INTS7: variants seen among roughly 807,000 people sequenced by gnomAD.
The protein encoded by INTS7 is chromosome 1 open reading frame 73.
Under a neutral mutation model 109.2 loss-of-function variants are expected in INTS7, and 46 were observed. The ratio of observed to expected loss-of-function variants is 0.42; its 90% CI spans 0.33 to 0.54. The LOEUF (loss-of-function observed/expected upper bound fraction) is 0.54, where lower values mean the gene tolerates loss of function less well. Ranked by LOEUF, INTS7 falls within the 20% of genes least tolerant of loss-of-function variation. INTS7 has a pLI of 0.07. For synonymous variants in INTS7, 412 were observed against 402.9 expected, an observed-to-expected ratio of 1.02 and a Z score of -0.27; for missense variants, 929 against 1,132.4, an observed-to-expected ratio of 0.82 and a Z score of 2.58.
At chr1:211,982,447 A>G (rs866132610) in intron 9 of INTS7, among the ~76,000 whole-genome samples, 2 of 152,168 alleles carry the variant, frequency 1.3e-5, no homozygotes, top group South Asian at 4.1e-4. Flanking sequence ...GAAATGGGCA[A>G]TGCTCCATAA....
At chr1:212,030,032 A>G (rs1272333383) in intron 1 of INTS7, among the ~76,000 whole-genome samples, 1 of 152,258 alleles carries the variant, frequency 6.6e-6, no homozygotes, top group Non-Finnish European at 1.5e-5. Context: ...TCCAGTATGC[A>G]CATGAGAATA....
intron 7 of INTS7, among the ~76,000 whole-genome samples, chr1:211,997,527 A>AG (rs1416070860): frequency 1.7e-5 from 2 of 115,700 alleles, no homozygotes; most frequent in Non-Finnish European, 3.9e-5. Flanking sequence ...ATCTCCAAAC[A>AG]GAAAAAAAAA....
intron 4 of INTS7, among the ~76,000 whole-genome samples, chr1:212,013,663 C>T (rs1415428734): frequency 6.6e-6 from 1 of 152,196 alleles, no homozygotes; most frequent in Non-Finnish European, 1.5e-5. Flanking sequence ...ATGGTAAGTG[C>T]CCTATACAGG....
intron 4 of INTS7, 127 bp downstream of exon 4, chr1:212,016,759 G>T: frequency 5.5e-6 from 4 of 725,388 alleles, no homozygotes; most frequent in Middle Eastern, 3.8e-4. Context: ...AACCTTCTTG[G>T]AAAACACACC....
At chr1:211,976,284 G>A (rs942978356) in intron 12 of INTS7, among the ~76,000 whole-genome samples, 2 of 152,184 alleles carry the variant, frequency 1.3e-5, no homozygotes, top group Non-Finnish European at 2.9e-5. Context: ...TAGAAACAGC[G>A]GGTGGTAGGT....
chr1:211,956,380 C>G (rs1663363614), intron 16 of INTS7, among the ~76,000 whole-genome samples: 1 of 151,966 alleles, frequency 6.6e-6, no homozygotes, highest in South Asian at 2.1e-4. Flanking sequence ...TAATGTTAAC[C>G]CAACCTTGTA....
At chr1:211,988,041 C>T (rs952165782) in intron 7 of INTS7, 38 bp from the exon 8 acceptor site, 6 of 989,364 alleles carry the variant, frequency 6.1e-6, no homozygotes, top group Admixed American at 2.0e-5. Flanking sequence ...GAAGTTAAAA[C>T]ATCAATATAC....
intron 7 of INTS7, among the ~76,000 whole-genome samples, chr1:212,001,064 C>CTTT (rs71137715): frequency 4.1e-5 from 5 of 122,832 alleles, no homozygotes; most frequent in South Asian, 2.7e-4. Flanking sequence ...GGCAGAATTC[C>CTTT]TTTTTTTTTT....
At chr1:211,963,311 G>A (rs1042875185) in intron 16 of INTS7, among the ~76,000 whole-genome samples, 3 of 151,932 alleles carry the variant, frequency 2.0e-5, no homozygotes, top group Non-Finnish European at 4.4e-5. Flanking sequence ...TCCCTGATGA[G>A]ACAAATAATG....
At chr1:211,960,844 C>T (rs1663591997) in intron 16 of INTS7, among the ~76,000 whole-genome samples, 1 of 151,962 alleles carries the variant, frequency 6.6e-6, no homozygotes, top group African/African-American at 2.4e-5. Context: ...GAAATCCCGT[C>T]TTTACTAAAA....
chr1:211,968,368 ATTTTT>A, intron 14 of INTS7, 140 bp downstream of exon 14: 1 of 659,388 alleles, frequency 1.5e-6, no homozygotes, highest in Non-Finnish European at 2.5e-6. Context: ...ACATCAGCCT[ATTTTT>A]TAGCCAGACA....
rs1334828828 is a variant in INTS7 at position 212,022,777 on chromosome 1, A to G, written c.95-1565T>C. Among the ~76,000 whole-genome samples the G allele has an allele frequency of 2.0e-5, 3 of 152,274 alleles. No homozygotes were observed. In the East Asian group the frequency reaches 5.8e-4, roughly 29 times the overall value. ...TTCTTTTATTTTAGATTCAGGGGGT[A>G]CATGTGCAAGTTTGCTAATGGGTAT... On this transcript the variant is annotated intron_variant, in intron 1 of 19. Transcript: ENST00000366994.
chr1:211,964,230 C>T (rs1162232689), intron 16 of INTS7, among the ~76,000 whole-genome samples: 4 of 152,124 alleles, frequency 2.6e-5, no homozygotes, highest in Non-Finnish European at 5.9e-5. Flanking sequence ...GAATGCATTC[C>T]CATTCATGAC....
At chr1:211,944,652 T>C in intron 19 of INTS7, 132 bp downstream of exon 19, 1 of 720,534 alleles carries the variant, frequency 1.4e-6, no homozygotes. Flanking sequence ...CAATGTGGGC[T>C]TTTAATTTAT....
intron 10 of INTS7, among the ~76,000 whole-genome samples, chr1:211,978,834 T>C (rs1664532100): frequency 6.6e-6 from 1 of 152,222 alleles, no homozygotes; most frequent in African/African-American, 2.4e-5. Flanking sequence ...CACTGTATTA[T>C]CATTACTTTT....
intron 15 of INTS7, among the ~76,000 whole-genome samples, chr1:211,967,486 C>G (rs1663946319): frequency 6.8e-6 from 1 of 147,146 alleles, no homozygotes; most frequent in Admixed American, 6.8e-5. Context: ...ACAACTAATG[C>G]TACTGAAGAG....
intron 8 of INTS7, among the ~76,000 whole-genome samples, chr1:211,986,252 T>C (rs146659025): frequency 2.0e-5 from 3 of 152,026 alleles, no homozygotes; most frequent in African/African-American, 7.2e-5. Context: ...TCTTAGACCA[T>C]CCAATCCTGG....
rs1035545205 is a variant in INTS7 at position 211,956,464 on chromosome 1, A to T, written c.2184-3763T>A. ...TTGTTGGACTGAACTTTTTAAAAAA[A>T]TTTTTGTCTATGCTAATGAAGAATA... On this transcript the variant is annotated intron_variant, in intron 16 of 19. Transcript: ENST00000366994. Among the ~76,000 whole-genome samples, 12 of 152,224 alleles carry T rather than the reference A, an allele frequency of 7.9e-5. No homozygotes were observed. The East Asian group carries it at 9.6e-4, about 12-fold the overall frequency.
At chr1:211,949,246 C>G (rs1461372356) in intron 17 of INTS7, among the ~76,000 whole-genome samples, 2 of 152,192 alleles carry the variant, frequency 1.3e-5, no homozygotes, top group Non-Finnish European at 2.9e-5. Context: ...AGGCAATTCT[C>G]CCCACTCCCG....
Sources: allele counts gnomAD v4.1 joint callset (sites outside exome capture counted in the v4.1 genomes callset), GRCh38; gene constraint gnomAD v4.1.1; transcripts MANE v1.5; gene names NCBI Gene and HGNC (gene_info 2026-07-23, HGNC 2026-07-21).